CA5B: variants seen among roughly 807,000 people sequenced by gnomAD.
CA5B encodes carbonic anhydrase 5B.
Under a neutral mutation model 23.1 loss-of-function variants are expected in CA5B, and 15 were observed. The ratio of observed to expected loss-of-function variants is 0.65; its 90% CI spans 0.43 to 1.00. CA5B has a LOEUF of 1.00. Ranked by LOEUF, CA5B falls within the 50% of genes least tolerant of loss-of-function variation. The pLI is 0.00. For synonymous variants in CA5B, 84 were observed against 98.5 expected (o/e 0.85, Z 0.87); for missense variants, 236 against 252.2 (o/e 0.94, Z 0.43).
At chrX:15,750,310 A>G (rs1415334047) in intron 2 of CA5B, 145 bp downstream of exon 2, 1 of 463,258 alleles carries the variant, frequency 2.2e-6, no homozygotes. Flanking sequence ...ATAATCACAC[A>G]TGTTAAACAT....
intron 3 of CA5B, among the ~76,000 whole-genome samples, chrX:15,767,775 A>G (rs1218074946): frequency 9.2e-6 from 1 of 108,347 alleles, no homozygotes; most frequent in East Asian, 2.9e-4. Flanking sequence ...TTTGTAGTAG[A>G]GACAGGGTTT....
In CA5B at chrX:15,784,918, C is replaced by T; in HGVS notation, c.*2254C>T. On this transcript the variant is annotated 3_prime_UTR_variant, in exon 8 of 8. Coordinates refer to ENST00000318636, the MANE Select transcript of CA5B (RefSeq NM_007220.4). Reference sequence around the variant, plus strand: ...CAGACATTTCTCCAAAGAAGTTATACAATTGGCCAATAAGAACATGAAAAT... The same window carrying T: ...CAGACATTTCTCCAAAGAAGTTATATAATTGGCCAATAAGAACATGAAAAT... 1 of 112,427 alleles carries T rather than the reference C, an allele frequency of 8.9e-6. No homozygotes were observed. Among genetic ancestry groups the T allele is most frequent in the Non-Finnish European group, 1.9e-5 (1 of 53,337 alleles). 9.3% of individuals were successfully genotyped at this position (112,427 alleles called of 1,213,427 possible).
intron 3 of CA5B, among the ~76,000 whole-genome samples, chrX:15,765,599 A>T (rs1299265317): frequency 1.8e-5 from 2 of 110,475 alleles, no homozygotes; most frequent in African/African-American, 6.6e-5. Flanking sequence ...AACCAGTGGT[A>T]ATTCTGCCAA....
rs753738621 is a variant in CA5B, at chrX:15,782,559, C to G, written c.849C>G (p.Pro283=). 12 of 1,207,940 alleles carry G rather than the reference C, an allele frequency of 9.9e-6. No individual in the cohort carries two copies. Among genetic ancestry groups the G allele is most frequent in the Non-Finnish European group, 3.4e-6 (3 of 893,467 alleles). The change falls in exon 8 of 8, where the codon CCC becomes CCG. Residue 283 remains proline (P), a synonymous_variant. Coordinates refer to ENST00000318636, the MANE Select transcript of CA5B (RefSeq NM_007220.4). Reference sequence around the variant, plus strand: ...AAAGAATGGTGGACAACTTCCGCCCCCTTCAGCCACTGATGAATCGCACTG... The same window carrying G: ...AAAGAATGGTGGACAACTTCCGCCCGCTTCAGCCACTGATGAATCGCACTG... ...KEKRMVDNFR[P]LQPLMNRTVR... is the part of the protein sequence containing the mutation.
At chrX:15,767,669 A>G (rs1288020427) in intron 3 of CA5B, among the ~76,000 whole-genome samples, 1 of 107,938 alleles carries the variant, frequency 9.3e-6, no homozygotes, top group African/African-American at 3.4e-5. Flanking sequence ...GCTCACTGCA[A>G]CCTCTGCCTC....
At chrX:15,753,888 C>T (rs913604086) in intron 2 of CA5B, among the ~76,000 whole-genome samples, 3 of 110,592 alleles carry the variant, frequency 2.7e-5, no homozygotes, top group Non-Finnish European at 5.6e-5. Context: ...CCAGCCTGGG[C>T]GACAAGAGCG....
intron 1 of CA5B, among the ~76,000 whole-genome samples, chrX:15,748,656 G>A (rs1171569382): frequency 9.2e-6 from 1 of 108,581 alleles, no homozygotes; most frequent in Middle Eastern, 4.3e-3. Context: ...CATTAAGCAG[G>A]AGGATTGCTT....
rs12559373 is a variant in CA5B, at chrX:15,776,999, G to A, written c.774+130G>A. On this transcript the variant is annotated intron_variant, in intron 7 of 7. Coordinates refer to ENST00000318636, the MANE Select transcript of CA5B (RefSeq NM_007220.4). ...TACATTTTTATTGAAGTGTACCAAC[G>A]TCTTGTCTCAGTTTGGACATGAATT... is the stretch of plus-strand genomic sequence containing the variant. 131 of 493,091 alleles carry A rather than the reference G, an allele frequency of 2.7e-4. No homozygotes were observed. The Admixed American group carries it at 3.9e-3, about 15-fold the overall frequency. The allele number at this position is 493,091 out of a possible 1,213,427, so 40.6% of individuals were successfully genotyped here.
At position 15,764,537 on chromosome X, in the gene CA5B, G is replaced by T. The variant is rs753912883; in HGVS notation, c.143-41G>T. 2.4e-5 allele frequency: 29 copies of T among 1,204,288 alleles called. No individual in the cohort carries two copies. The East Asian group carries it at 7.4e-4, about 31-fold the overall frequency. On this transcript the variant is annotated intron_variant, in intron 2 of 7. Coordinates refer to ENST00000318636, the MANE Select transcript of CA5B (RefSeq NM_007220.4). ...TTATAGGAGTGAGCCACTGCACTCG[G>T]TCCAACAGTCTTGATAATAGGCTGA...
At chrX:15,779,704 C>T (rs1478332542) in intron 7 of CA5B, among the ~76,000 whole-genome samples, 1 of 111,105 alleles carries the variant, frequency 9.0e-6, no homozygotes, top group Non-Finnish European at 1.9e-5. Flanking sequence ...TAAAAACTAC[C>T]ACCATGAAAG....
At chrX:15,761,296 TG>T (rs1418997283) in intron 2 of CA5B, among the ~76,000 whole-genome samples, 1 of 111,966 alleles carries the variant, frequency 8.9e-6, no homozygotes, top group Non-Finnish European at 1.9e-5. Flanking sequence ...ATCCAGATAG[TG>T]AACATAGTAC....
rs1162010813 is a variant in CA5B at position 15,788,056 on chromosome X, A to T, written c.*5392A>T. 1 of 112,621 alleles carries T rather than the reference A, an allele frequency of 8.9e-6. No individual in the cohort carries two copies. The highest frequency in any genetic ancestry group is 3.2e-5 in the African/African-American group (1 of 31,011). 9.3% of individuals were successfully genotyped at this position (112,621 alleles called of 1,213,427 possible). On this transcript the variant is annotated 3_prime_UTR_variant, in exon 8 of 8. Coordinates refer to ENST00000318636, the MANE Select transcript of CA5B (RefSeq NM_007220.4). ...ATCACAGGGACCAGCAAAATTGGTG[A>T]GTTGCATAGCTACAACATTCTGTGC... is the stretch of plus-strand genomic sequence containing the variant.
intron 7 of CA5B, among the ~76,000 whole-genome samples, chrX:15,779,358 C>T (rs1202831301): frequency 8.9e-6 from 1 of 111,898 alleles, no homozygotes; most frequent in African/African-American, 3.3e-5. Flanking sequence ...TCACTTTACT[C>T]AGTCTACCAA....
chrX:15,742,387 G>C (rs1931139048), intron 1 of CA5B, among the ~76,000 whole-genome samples: 3 of 110,673 alleles, frequency 2.7e-5, no homozygotes, highest in African/African-American at 9.9e-5. Context: ...TTTTTTTTGA[G>C]ACGGAGTCTC....
chrX:15,776,919 TA>T (rs1931943949), intron 7 of CA5B, 50 bp downstream of exon 7: 2 of 1,075,192 alleles, frequency 1.9e-6, no homozygotes, highest in Non-Finnish European at 2.6e-6. Flanking sequence ...TCTGCCCATG[TA>T]AAACAAGGCT....
Position 15,772,615 on chromosome X carries a change from G to A in CA5B, c.459+1G>A. 8 of 1,127,684 alleles carry A rather than the reference G, an allele frequency of 7.1e-6. No individual in the cohort carries two copies. Among genetic ancestry groups the A allele is most frequent in the Non-Finnish European group, 9.7e-6 (8 of 822,294 alleles). The allele number at this position is 1,127,684 out of a possible 1,213,427, so 92.9% of individuals were successfully genotyped here. The stretch of plus-strand genomic sequence containing the variant: ...GGACAGCAAATGCTTCCCAGCAGAG[G>A]TATGTTGAGAAGGTCAGGAACAGTG... On this transcript the variant is annotated splice_donor_variant, in intron 4 of 7. Transcript: ENST00000318636. LOFTEE classifies it high-confidence loss of function.
At chrX:15,757,019 C>G (rs1931503036) in intron 2 of CA5B, among the ~76,000 whole-genome samples, 1 of 101,091 alleles carries the variant, frequency 9.9e-6, no homozygotes, top group South Asian at 4.7e-4. Flanking sequence ...CGCGCCACTG[C>G]TCTCCAGCCT....
At position 15,786,843 on chromosome X, in the gene CA5B, A is replaced by G. The variant is rs1273495827; in HGVS notation, c.*4179A>G. The G allele has an allele frequency of 8.9e-6, 1 of 111,867 alleles. No individual in the cohort carries two copies. Among genetic ancestry groups the G allele is most frequent in the Admixed American group, 9.5e-5 (1 of 10,501 alleles). 9.2% of individuals were successfully genotyped at this position (111,867 alleles called of 1,213,427 possible). On this transcript the variant is annotated 3_prime_UTR_variant, in exon 8 of 8. Coordinates refer to ENST00000318636, the MANE Select transcript of CA5B (RefSeq NM_007220.4). The stretch of plus-strand genomic sequence containing the variant: ...GTGCACAGTGTGCTGGCATCACCAT[A>G]TAGGGCAAGCTGTGACCGCCTTTCT...
rs751646882 is a variant in CA5B at position 15,777,817 on chromosome X, T to C, written c.774+948T>C. Among the ~76,000 whole-genome samples the C allele has an allele frequency of 5.3e-5, 6 of 112,386 alleles. No homozygotes were observed. In the East Asian group the frequency reaches 1.7e-3, roughly 31 times the overall value. On this transcript the variant is annotated intron_variant, in intron 7 of 7. Transcript: ENST00000318636. Reference sequence around the variant, plus strand: ...AAACAGAGCTGAATAGAGACTTCCCTATCTTGATAAAAGAGATTGATCTCA... The same window carrying C: ...AAACAGAGCTGAATAGAGACTTCCCCATCTTGATAAAAGAGATTGATCTCA...
Sources: gnomAD v4.1 joint callset for allele counts (sites outside exome capture counted in the v4.1 genomes callset) on GRCh38, gnomAD v4.1.1 for gene constraint, MANE v1.5 for transcripts, NCBI Gene and HGNC (gene_info 2026-07-23, HGNC 2026-07-21) for gene names.